The following NCKAP5 variants were observed in gnomAD, a reference collection of about 807,000 sequenced individuals.
NCKAP5 encodes NCK associated protein 5.
Under a neutral mutation model 167.0 loss-of-function variants are expected in NCKAP5, and 92 were observed. The observed-to-expected ratio is 0.55, with a 90% CI of 0.47 to 0.66. NCKAP5 has a LOEUF of 0.66. Ranked by LOEUF, NCKAP5 falls within the 30% of genes least tolerant of loss-of-function variation. The pLI is 0.00. For synonymous variants in NCKAP5, 891 were observed against 877.4 expected, an observed-to-expected ratio of 1.02 and a Z score of -0.27; for missense variants, 2,378 against 2,315.0, an observed-to-expected ratio of 1.03 and a Z score of -0.56.
At chr2:132,861,477 T>TAC (rs1490233647) in intron 10 of NCKAP5, among the ~76,000 whole-genome samples, 1 of 147,826 alleles carries the variant, frequency 6.8e-6, no homozygotes, top group Non-Finnish European at 1.5e-5. Flanking sequence ...TTTCAAACTA[T>TAC]CTTTCACTAC....
intron 3 of NCKAP5, among the ~76,000 whole-genome samples, chr2:133,325,651 C>T (rs909710706): frequency 1.9e-4 from 29 of 152,248 alleles, no homozygotes; most frequent in African/African-American, 7.0e-4. Context: ...GATCACTCCC[C>T]CGCAGCTCTG....
At chr2:132,964,054 G>C (rs1318357301) in intron 7 of NCKAP5, among the ~76,000 whole-genome samples, 185 bp from the exon 8 acceptor site, 1 of 152,176 alleles carries the variant, frequency 6.6e-6, no homozygotes, top group East Asian at 1.9e-4. Context: ...ACCCCTGGAA[G>C]GACAAGGCCA....
chr2:133,649,517 A>G, the NCKAP5 span, among the ~76,000 whole-genome samples: 1 of 152,136 alleles, frequency 6.6e-6, no homozygotes. Flanking sequence ...CCAACAGCAC[A>G]TTAAAAAGAT....
At chr2:133,563,117 T>C (rs949498294) in intron 1 of NCKAP5, among the ~76,000 whole-genome samples, 2 of 152,230 alleles carry the variant, frequency 1.3e-5, no homozygotes, top group South Asian at 2.1e-4. Context: ...GTTACCATTT[T>C]CAGGGACCAA....
chr2:133,056,363 T>C (rs189800074), intron 6 of NCKAP5, among the ~76,000 whole-genome samples: 1 of 152,308 alleles, frequency 6.6e-6, no homozygotes, highest in Admixed American at 6.5e-5. Context: ...AGTTCCATAT[T>C]TTTCTATTGC....
chr2:133,474,163 C>T (rs1436623834), intron 3 of NCKAP5, among the ~76,000 whole-genome samples: 2 of 131,440 alleles, frequency 1.5e-5, no homozygotes, highest in African/African-American at 5.7e-5. Flanking sequence ...TATACACACA[C>T]ACACACACAC....
intron 3 of NCKAP5, among the ~76,000 whole-genome samples, chr2:133,485,271 G>A (rs1179744170): frequency 6.6e-6 from 1 of 152,106 alleles, no homozygotes; most frequent in African/African-American, 2.4e-5. Context: ...CACCATTTAG[G>A]CTAGAGTCTT....
chr2:133,513,615 G>A (rs1033027737), intron 3 of NCKAP5, among the ~76,000 whole-genome samples: 3 of 152,196 alleles, frequency 2.0e-5, no homozygotes, highest in Non-Finnish European at 2.9e-5. Flanking sequence ...TTACTATAAC[G>A]ATTTGGATAC....
rs79119661 is a variant in NCKAP5 at position 133,387,609 on chromosome 2, G to C, written c.70-84499C>G. Among the ~76,000 whole-genome samples, 87 of 152,274 alleles carry C rather than the reference G, an allele frequency of 5.7e-4. 2 individuals are homozygous for C. Among genetic ancestry groups the C allele is most frequent in the African/African-American group, 2.0e-3 (82 of 41,548 alleles). On this transcript the variant is annotated intron_variant, in intron 3 of 19. Transcript: ENST00000409261. ...TGTTGGCCTGCCTTGCTAAGTTGGG[G>C]AAGTTCGGGATAATATCCTGAAGAG... is the stretch of plus-strand genomic sequence containing the variant.
At chr2:133,427,436 G>A (rs1018224495) in intron 3 of NCKAP5, among the ~76,000 whole-genome samples, 3 of 152,110 alleles carry the variant, frequency 2.0e-5, no homozygotes, top group Non-Finnish European at 4.4e-5. Context: ...TAGCATGACA[G>A]TCTGATTTTA....
At chr2:133,628,628 G>GA in the NCKAP5 span, among the ~76,000 whole-genome samples, 4 of 152,150 alleles carry the variant, frequency 2.6e-5, no homozygotes, top group East Asian at 3.9e-4. Context: ...CACAGAATTA[G>GA]AAAAAACTAT....
chr2:132,997,760 C>A (rs541095037), intron 6 of NCKAP5, among the ~76,000 whole-genome samples: 2 of 151,824 alleles, frequency 1.3e-5, no homozygotes, highest in African/African-American at 4.8e-5. Context: ...GGCAACAATA[C>A]CATTTCTGAC....
chr2:133,457,230 T>C (rs1691914741), intron 3 of NCKAP5, among the ~76,000 whole-genome samples: 1 of 152,182 alleles, frequency 6.6e-6, no homozygotes, highest in Non-Finnish European at 1.5e-5. Flanking sequence ...CAATGATCTT[T>C]ATAAACCTCC....
chr2:133,119,870 G>A lies in NCKAP5; in HGVS notation c.341+10108C>T, dbSNP rs146469138. 7.5e-3 allele frequency among the ~76,000 whole-genome samples: 1,139 copies of A among 151,332 alleles called. 4 individuals carry two copies. Among genetic ancestry groups the A allele is most frequent in the African/African-American group, 0.025 (1,048 of 41,300 alleles). On this transcript the variant is annotated intron_variant, in intron 6 of 19. Coordinates refer to ENST00000409261, the MANE Select transcript of NCKAP5 (RefSeq NM_207363.3). ...TTATTATTATTAATATATATGATTC[G>A]ATATCATATAATAGGCTCTCCCTAT...
Position 132,994,253 on chromosome 2 carries a change from A to C in NCKAP5, c.342-14T>G, listed in dbSNP as rs1431864429. The C allele has an allele frequency of 6.5e-7, 1 of 1,542,296 alleles. No individual in the cohort carries two copies. The highest frequency in any genetic ancestry group is 8.8e-7 in the Non-Finnish European group (1 of 1,139,712). On this transcript the variant is annotated splice_polypyrimidine_tract_variant and intron_variant, in intron 6 of 19. Transcript: ENST00000409261. ...GTTTCTTCCATCCTGAGAAACAAAA[A>C]TATTAAGAATTTCTTAAAGAAGGTT...
At chr2:133,031,957 C>A (rs915283591) in intron 6 of NCKAP5, among the ~76,000 whole-genome samples, 2 of 152,100 alleles carry the variant, frequency 1.3e-5, no homozygotes, top group Admixed American at 1.3e-4. Flanking sequence ...GAATAACCAG[C>A]AGTGATGCCC....
intron 3 of NCKAP5, among the ~76,000 whole-genome samples, chr2:133,478,225 T>C (rs1680108072): frequency 6.6e-6 from 1 of 152,206 alleles, no homozygotes; most frequent in South Asian, 2.1e-4. Context: ...TGCCAGCAAG[T>C]CCACTGCCCT....
chr2:132,967,825 T>C (rs1000980618), intron 7 of NCKAP5, among the ~76,000 whole-genome samples: 1 of 152,188 alleles, frequency 6.6e-6, no homozygotes, highest in Non-Finnish European at 1.5e-5. Context: ...TAGCTGGTGG[T>C]AAATGCTATG....
At chr2:133,472,861 G>C (rs1679470868) in intron 3 of NCKAP5, among the ~76,000 whole-genome samples, 2 of 152,088 alleles carry the variant, frequency 1.3e-5, no homozygotes, top group African/African-American at 4.8e-5. Context: ...GTCCTCTGCA[G>C]TGCTGCCTTA....
Sources: gnomAD v4.1 joint callset for allele counts (sites outside exome capture counted in the v4.1 genomes callset) on GRCh38, gnomAD v4.1.1 for gene constraint, MANE v1.5 for transcripts, NCBI Gene and HGNC (gene_info 2026-07-23, HGNC 2026-07-21) for gene names.